The following PTPRT variants were observed in gnomAD, a reference collection of about 807,000 sequenced individuals.
PTPRT encodes receptor-type tyrosine-protein phosphatase T.
Under a neutral mutation model 176.8 loss-of-function variants are expected in PTPRT, and 56 were observed. The observed-to-expected ratio is 0.32, with a 90% CI of 0.26 to 0.40. PTPRT has a LOEUF of 0.40. PTPRT is among the 10% of genes least tolerant of loss of function. The pLI is 1.00. For synonymous variants in PTPRT, 783 were observed against 739.0 expected, an observed-to-expected ratio of 1.06 and a Z score of -0.96; for missense variants, 1,540 against 1,908.2, an observed-to-expected ratio of 0.81 and a Z score of 3.60.
intron 7 of PTPRT, among the ~76,000 whole-genome samples, chr20:42,552,162 CA>C (rs1413802877): frequency 1.3e-5 from 2 of 152,024 alleles, no homozygotes; most frequent in African/African-American, 4.8e-5. Context: ...AAGATGAGAC[CA>C]GATGAAGGAA....
intron 22 of PTPRT, among the ~76,000 whole-genome samples, chr20:42,111,421 G>A (rs911785998): frequency 2.0e-5 from 3 of 152,198 alleles, no homozygotes; most frequent in Admixed American, 6.5e-5. Context: ...CCCTGGAACA[G>A]CTCATGGCCT....
chr20:43,133,344 T>C (rs1017282244), intron 1 of PTPRT, among the ~76,000 whole-genome samples: 14 of 152,198 alleles, frequency 9.2e-5, no homozygotes, highest in African/African-American at 3.4e-4. Flanking sequence ...AAAATTCTTC[T>C]TCATGCAAGT....
At chr20:42,517,226 T>C (rs777755455) in intron 7 of PTPRT, among the ~76,000 whole-genome samples, 46 of 152,094 alleles carry the variant, frequency 3.0e-4, no homozygotes, top group Admixed American at 5.9e-4. Context: ...ATTACAGGAC[T>C]GCTCAGATTT....
intron 7 of PTPRT, among the ~76,000 whole-genome samples, chr20:42,634,032 T>A (rs1374749670): frequency 7.3e-5 from 2 of 27,496 alleles, no homozygotes; most frequent in African/African-American, 1.8e-4. Context: ...AATATATATA[T>A]TATATATATT....
At chr20:42,418,450 T>C (rs6065475) in intron 9 of PTPRT, among the ~76,000 whole-genome samples, 4,211 of 152,270 alleles carry the variant, frequency 0.028, 70 homozygotes, top group South Asian at 0.038. Flanking sequence ...GGTCTCTGCC[T>C]CCACAGCAAG....
chr20:42,637,696 G>A (rs917760829), intron 7 of PTPRT, among the ~76,000 whole-genome samples: 4 of 152,052 alleles, frequency 2.6e-5, no homozygotes, highest in African/African-American at 7.2e-5. Context: ...CTAAGAACAG[G>A]GACTTGGTTT....
chr20:42,038,751 G>A, the PTPRT span, among the ~76,000 whole-genome samples: 1 of 152,198 alleles, frequency 6.6e-6, no homozygotes, highest in African/African-American at 2.4e-5. Flanking sequence ...GGCTCAGAAG[G>A]TAGCAAGAGA....
At chr20:42,912,692 G>T (rs1978477599) in intron 1 of PTPRT, among the ~76,000 whole-genome samples, 1 of 152,140 alleles carries the variant, frequency 6.6e-6, no homozygotes, top group Admixed American at 6.5e-5. Context: ...ACTTCCTCTA[G>T]AAATAAGTTT....
At chr20:42,944,806 T>C (rs1980776083) in intron 1 of PTPRT, among the ~76,000 whole-genome samples, 1 of 152,182 alleles carries the variant, frequency 6.6e-6, no homozygotes, top group Non-Finnish European at 1.5e-5. Context: ...AGTCCCAGTA[T>C]TTATTGTAAT....
intron 13 of PTPRT, among the ~76,000 whole-genome samples, chr20:42,258,531 C>A (rs2056689771): frequency 6.6e-6 from 1 of 152,114 alleles, no homozygotes; most frequent in Non-Finnish European, 1.5e-5. Context: ...CATAGGGAGA[C>A]AAGTCTTGTT....
chr20:42,208,479 G>T (rs2055531330), intron 15 of PTPRT, among the ~76,000 whole-genome samples: 1 of 151,990 alleles, frequency 6.6e-6, no homozygotes, highest in Non-Finnish European at 1.5e-5. Context: ...CAAAAAAAAG[G>T]CAGGGGTTGC....
At chr20:43,043,801 G>C (rs1986729197) in intron 1 of PTPRT, among the ~76,000 whole-genome samples, 1 of 152,106 alleles carries the variant, frequency 6.6e-6, no homozygotes, top group Admixed American at 6.5e-5. Flanking sequence ...ACCTTTTGAG[G>C]GTCACCCAGT....
At chr20:42,202,463 A>T (rs1341537083) in intron 15 of PTPRT, among the ~76,000 whole-genome samples, 1 of 152,218 alleles carries the variant, frequency 6.6e-6, no homozygotes, top group Non-Finnish European at 1.5e-5. Flanking sequence ...TTCCAGGCAG[A>T]TATACAACAA....
rs371344258 is a variant in PTPRT, at chr20:42,619,479, C to T, written c.1153+58387G>A. ...ATTCTCTGTATTTCCTGAATCTGAA[C>T]GTTGGCCTGCCTTGCTAGATTGGGG... On this transcript the variant is annotated intron_variant, in intron 7 of 30. Transcript: ENST00000373187. Among the ~76,000 whole-genome samples, 322 of 127,038 alleles carry T rather than the reference C, an allele frequency of 2.5e-3. 4 individuals carry two copies. Among genetic ancestry groups the T allele is most frequent in the African/African-American group, 0.011 (294 of 26,382 alleles). The allele number at this position is 127,038 out of a possible 152,430, so 83.3% of individuals were successfully genotyped here.
intron 1 of PTPRT, among the ~76,000 whole-genome samples, chr20:43,095,367 G>A (rs2012087965): frequency 1.3e-5 from 2 of 152,114 alleles, no homozygotes; most frequent in Non-Finnish European, 2.9e-5. Context: ...ACTAAAGAGT[G>A]TGGAGGTTAA....
At chr20:42,210,699 T>G (rs1600681459) in intron 15 of PTPRT, among the ~76,000 whole-genome samples, 4 of 151,878 alleles carry the variant, frequency 2.6e-5, no homozygotes, top group South Asian at 4.2e-4. Context: ...AGAATCAATA[T>G]CGTGAAAATG....
intron 9 of PTPRT, among the ~76,000 whole-genome samples, chr20:42,409,797 A>G (rs866953900): frequency 1.3e-5 from 2 of 152,238 alleles, no homozygotes; most frequent in African/African-American, 4.8e-5. Flanking sequence ...AGAATATAGC[A>G]ACACATTTTT....
Position 42,776,644 on chromosome 20 carries a change from TTA to T in PTPRT, c.568+3572_568+3573del, listed in dbSNP as rs141780171. 1.8e-4 allele frequency among the ~76,000 whole-genome samples: 27 copies of T among 152,018 alleles called. No homozygotes were observed. The East Asian group carries it at 3.9e-3, about 22-fold the overall frequency. On this transcript the variant is annotated intron_variant, in intron 4 of 30. Coordinates refer to ENST00000373187, the MANE Select transcript of PTPRT (RefSeq NM_007050.6). Reference sequence around the variant, plus strand: ...AAGCCATCCAGTCTGAGGGGTTTTGTTATAGCAGCTTTAGCAAACTAACGCAC... The same window carrying T: ...AAGCCATCCAGTCTGAGGGGTTTTGTTAGCAGCTTTAGCAAACTAACGCAC...
chr20:42,550,197 A>T (rs1305377246), intron 7 of PTPRT, among the ~76,000 whole-genome samples: 1 of 152,112 alleles, frequency 6.6e-6, no homozygotes, highest in Non-Finnish European at 1.5e-5. Context: ...CTTTCTTGCC[A>T]TAGGGGTACG....
Sources: allele counts gnomAD v4.1 joint callset (sites outside exome capture counted in the v4.1 genomes callset), GRCh38; gene constraint gnomAD v4.1.1; transcripts MANE v1.5; gene names NCBI Gene and HGNC (gene_info 2026-07-23, HGNC 2026-07-21).